Variants in CMTR1 observed in about 807,000 individuals in gnomAD.
CMTR1 encodes cap methyltransferase 1.
A neutral mutation model predicts 107.0 loss-of-function variants in CMTR1; 39 were observed. The observed-to-expected ratio is 0.36, with a 90% CI of 0.28 to 0.48. CMTR1 has a LOEUF of 0.48. Among genes scored for constraint, CMTR1 ranks in the 20% least tolerant of loss-of-function variants. The probability of loss-of-function intolerance (pLI) is 0.99; values close to 1 mark genes in which losing one functional copy is unlikely to be tolerated. For missense variants in CMTR1, 672 were observed against 1,064.9 expected, an observed-to-expected ratio of 0.63 and a Z score of 5.14; for synonymous variants, 366 against 379.5, an observed-to-expected ratio of 0.96 and a Z score of 0.41.
At chr6:37,461,393 C>T (rs1761401063) in intron 10 of CMTR1, among the ~76,000 whole-genome samples, 156 bp from the exon 11 acceptor site, 1 of 152,218 alleles carries the variant, frequency 6.6e-6, no homozygotes, top group African/African-American at 2.4e-5. Context: ...AGCCCAGTGA[C>T]CTTCTAAAAT....
chr6:37,440,900 T>C (rs1157696970), intron 2 of CMTR1, among the ~76,000 whole-genome samples: 1 of 152,232 alleles, frequency 6.6e-6, no homozygotes, highest in African/African-American at 2.4e-5. Context: ...TCTAACAGCC[T>C]GGCAACTCTT....
At chr6:37,459,035 C>G (rs1761351928) in intron 9 of CMTR1, among the ~76,000 whole-genome samples, 1 of 152,246 alleles carries the variant, frequency 6.6e-6, no homozygotes, top group Non-Finnish European at 1.5e-5. Context: ...TCATCAAGGC[C>G]CTATTAATTC....
intron 2 of CMTR1, among the ~76,000 whole-genome samples, chr6:37,441,846 G>T (rs2113865525): frequency 6.6e-6 from 1 of 152,228 alleles, no homozygotes; most frequent in African/African-American, 2.4e-5. Context: ...TTTCTGAGTG[G>T]CACTCTCTGG....
At chr6:37,447,800 C>T in intron 4 of CMTR1, among the ~76,000 whole-genome samples, 1 of 151,296 alleles carries the variant, frequency 6.6e-6, no homozygotes, top group East Asian at 1.9e-4. Flanking sequence ...GCAGAGGTTG[C>T]AGTGAGCAGA....
intron 13 of CMTR1, among the ~76,000 whole-genome samples, chr6:37,468,397 C>T (rs918513255): frequency 1.1e-4 from 16 of 152,190 alleles, no homozygotes; most frequent in African/African-American, 3.4e-4. Context: ...CACATGCATG[C>T]ACATATATAT....
intron 8 of CMTR1, among the ~76,000 whole-genome samples, chr6:37,456,545 A>G (rs1761299753): frequency 6.6e-6 from 1 of 152,188 alleles, no homozygotes; most frequent in Admixed American, 6.5e-5. Flanking sequence ...TTGGGTTGTA[A>G]ACATTAGTAT....
In CMTR1 at chr6:37,455,146, G is replaced by A. The variant is rs1030681215; in HGVS notation, c.777+1834G>A. Among the ~76,000 whole-genome samples, 15 of 151,636 alleles carry A rather than the reference G, an allele frequency of 9.9e-5. No homozygotes were observed. The East Asian group carries it at 1.6e-3, about 16-fold the overall frequency. On this transcript the variant is annotated intron_variant, in intron 8 of 23. Coordinates refer to ENST00000373451, the MANE Select transcript of CMTR1 (RefSeq NM_015050.3). ...GTTGCCCAGGCTGGAGTGCGATGGC[G>A]CGATCTCAGCTCACCTCAACCTCCG...
chr6:37,430,494 A>G (rs944384941), upstream of CMTR1, among the ~76,000 whole-genome samples: 3 of 151,858 alleles, frequency 2.0e-5, no homozygotes, highest in African/African-American at 4.8e-5. Context: ...TGATTATTCA[A>G]TGTCTTAATG....
intron 18 of CMTR1, 135 bp from the exon 19 acceptor site, chr6:37,475,186 A>G (rs1242380817): frequency 2.8e-6 from 2 of 710,812 alleles, no homozygotes; most frequent in African/African-American, 3.5e-5. Flanking sequence ...GAGGGAGACA[A>G]GAAAAATATC....
At chr6:37,454,219 C>T (rs1339766380) in intron 8 of CMTR1, among the ~76,000 whole-genome samples, 8 of 152,218 alleles carry the variant, frequency 5.3e-5, no homozygotes, top group Non-Finnish European at 2.9e-5. Flanking sequence ...GCTTCACTCA[C>T]CCTCATTCCA....
In CMTR1 at chr6:37,480,927, T is replaced by G; in HGVS notation, c.*782T>G. 8.2e-7 allele frequency: 1 copy of G among 1,223,274 alleles called. No individual in the cohort carries two copies. The highest frequency in any genetic ancestry group is 1.0e-6 in the Non-Finnish European group (1 of 959,518). The allele number at this position is 1,223,274 out of a possible 1,614,324, so 75.8% of individuals were successfully genotyped here. On this transcript the variant is annotated 3_prime_UTR_variant, in exon 24 of 24. Coordinates refer to ENST00000373451, the MANE Select transcript of CMTR1 (RefSeq NM_015050.3). ...AGCGCTAGATGGCAGGAAGCAGCCT[T>G]GAAGACCCGTCTTTCCCCCACAGCA...
upstream of CMTR1, among the ~76,000 whole-genome samples, chr6:37,431,793 TAA>T (rs1410104367): frequency 6.6e-6 from 1 of 152,110 alleles, no homozygotes; most frequent in African/African-American, 2.4e-5. Context: ...GCTGAACTCT[TAA>T]GAGACATGGC....
rs770416883 is a variant in CMTR1, at chr6:37,451,855, T to C, written c.587T>C (p.Leu196Pro). 6.2e-7 allele frequency: 1 copy of C among 1,613,274 alleles called. No individual in the cohort carries two copies. Among genetic ancestry groups the C allele is most frequent in the South Asian group, 1.1e-5 (1 of 91,074 alleles). The change falls in exon 6 of 24, where the codon CTT (leucine) becomes CCT (proline). Residue 196 changes from leucine (L) to proline (P), a missense_variant. By Grantham distance (98) the Leu-to-Pro change is moderately conservative (BLOSUM62 -3). This residue lies in a region of CMTR1 where 583 missense variants were observed against 968.4 expected (regional missense o/e 0.60). Transcript: ENST00000373451. ...ACAGAGTTTTGTGGGGAAGAGCTGCTTCACAGTGTGTTGCAGTGTAAGGTA... is the reference window on the plus strand; with the variant it reads ...ACAGAGTTTTGTGGGGAAGAGCTGCCTCACAGTGTGTTGCAGTGTAAGGTA... ...DETEFCGEEL[L>P]HSVLQCKSVF... is the part of the protein sequence containing the mutation.
chr6:37,475,981 T>G lies in CMTR1; in HGVS notation c.2037-145T>G, dbSNP rs1761728238. 6.8e-6 allele frequency: 5 copies of G among 739,032 alleles called. No individual in the cohort carries two copies. In the East Asian group the frequency reaches 1.3e-4, roughly 19 times the overall value. 45.8% of individuals were successfully genotyped at this position (739,032 alleles called of 1,614,324 possible). A position where few individuals can be genotyped will look rare whatever the true frequency, so the allele number is the denominator to read the frequency against. ...GTGGAGAAGGGCAGGGCGGGCTTCC[T>G]GGGGGACATGGGTGCTGCCTCTTAG... On this transcript the variant is annotated intron_variant, in intron 19 of 23. Coordinates refer to ENST00000373451, the MANE Select transcript of CMTR1 (RefSeq NM_015050.3).
In CMTR1 at chr6:37,480,960, C is replaced by A; in HGVS notation, c.*815C>A. ...CGTCTTTCCCCCACAGCAGCAGGGG[C>A]CCCAGCAGTAACAAAGGGTACCTCC... On this transcript the variant is annotated 3_prime_UTR_variant, in exon 24 of 24. Transcript: ENST00000373451. 3 of 1,262,602 alleles carry A rather than the reference C, an allele frequency of 2.4e-6. No individual in the cohort carries two copies. The South Asian group carries it at 4.1e-5, about 17-fold the overall frequency. The allele number at this position is 1,262,602 out of a possible 1,614,324, so 78.2% of individuals were successfully genotyped here.
At chr6:37,455,756 C>G (rs1305679317) in intron 8 of CMTR1, among the ~76,000 whole-genome samples, 1 of 152,158 alleles carries the variant, frequency 6.6e-6, no homozygotes, top group East Asian at 1.9e-4. Context: ...AGTTTTGACT[C>G]TGAGGAAGTT....
At chr6:37,432,801 C>A (rs1254118610), upstream of CMTR1, among the ~76,000 whole-genome samples, 3 of 152,184 alleles carry the variant, frequency 2.0e-5, no homozygotes, top group East Asian at 5.8e-4. Flanking sequence ...AGGCGGCATT[C>A]CTTCTGTCCT....
At chr6:37,443,022 T>A (rs1771706845) in intron 2 of CMTR1, among the ~76,000 whole-genome samples, 1 of 152,192 alleles carries the variant, frequency 6.6e-6, no homozygotes, top group Non-Finnish European at 1.5e-5. Context: ...TCAAAAAATA[T>A]AAAAAGATAG....
At chr6:37,477,735 C>CGGG in intron 21 of CMTR1, 96 bp downstream of exon 21, 1 of 373,460 alleles carries the variant, frequency 2.7e-6, no homozygotes, top group Non-Finnish European at 4.6e-6. Context: ...GGGTCGGGGG[C>CGGG]GGGGGGTGGT....
Sources: allele counts gnomAD v4.1 joint callset (sites outside exome capture counted in the v4.1 genomes callset), GRCh38; gene constraint gnomAD v4.1.1; regional missense constraint gnomAD v4.1.1; transcripts MANE v1.5; gene names NCBI Gene and HGNC (gene_info 2026-07-23, HGNC 2026-07-21).